The following RORB variants were observed in gnomAD, a reference collection of about 807,000 sequenced individuals.
The protein encoded by RORB is nuclear receptor ROR-beta.
In RORB, 6 loss-of-function variants were observed where a neutral mutation model predicts 59.1. That is an observed-to-expected ratio of 0.10 (90% CI 0.06 to 0.20). The LOEUF is 0.20. Among genes scored for constraint, RORB ranks in the 10% least tolerant of loss-of-function variants. The pLI, the probability that RORB is intolerant of heterozygous loss-of-function variation, is 1.00. For synonymous variants in RORB, 215 were observed against 204.5 expected (o/e 1.05, Z -0.44); for missense variants, 320 against 560.5 (o/e 0.57, Z 4.33).
chr9:74,684,781 C>T (rs767786424), intron 9 of RORB, among the ~76,000 whole-genome samples: 6 of 152,128 alleles, frequency 3.9e-5, no homozygotes, highest in African/African-American at 7.2e-5. Context: ...ACAGTGGAAA[C>T]GGATTAGAGA....
intron 1 of RORB, among the ~76,000 whole-genome samples, chr9:74,627,139 C>T (rs1026137085): frequency 8.1e-6 from 1 of 122,786 alleles, no homozygotes; most frequent in African/African-American, 3.1e-5. Context: ...TCCAGCCTGG[C>T]AACAGAGCAA....
chr9:74,661,802 C>G (rs1382792238), intron 5 of RORB, among the ~76,000 whole-genome samples: 1 of 151,476 alleles, frequency 6.6e-6, no homozygotes, highest in African/African-American at 2.4e-5. Flanking sequence ...CCCCCCACCA[C>G]GCCCAGCTAA....
intron 1 of RORB, among the ~76,000 whole-genome samples, chr9:74,571,808 G>T (rs1476696275): frequency 1.3e-5 from 2 of 152,138 alleles, no homozygotes; most frequent in Non-Finnish European, 2.9e-5. Flanking sequence ...GTAGAGGAAA[G>T]GCAAGGTTGC....
At position 74,691,598 on chromosome 9, in the gene RORB, T is replaced by A. The variant is rs956940655; in HGVS notation, c.*5980T>A. On this transcript the variant is annotated 3_prime_UTR_variant, in exon 10 of 10. Coordinates refer to ENST00000376896, the MANE Select transcript of RORB (RefSeq NM_006914.4). Reference sequence around the variant, plus strand: ...GTGGAAGGTCTAATACAATGTATGCTGTCTCTGTAATTTTTGCTGTAAATA... The same window carrying A: ...GTGGAAGGTCTAATACAATGTATGCAGTCTCTGTAATTTTTGCTGTAAATA... The A allele has an allele frequency of 6.6e-6, 1 of 152,250 alleles. No homozygotes were observed. The highest frequency in any genetic ancestry group is 1.5e-5 in the Non-Finnish European group (1 of 68,040). The allele number at this position is 152,250 out of a possible 1,614,324, so 9.4% of individuals were successfully genotyped here. A position where few individuals can be genotyped will look rare whatever the true frequency, so the allele number is the denominator to read the frequency against.
At chr9:74,646,819 C>T (rs552971984) in intron 4 of RORB, among the ~76,000 whole-genome samples, 6 of 152,190 alleles carry the variant, frequency 3.9e-5, no homozygotes, top group East Asian at 3.9e-4. Context: ...GGAGATACCA[C>T]GAAAATAAAT....
chr9:74,538,638 A>G (rs1826358114), intron 1 of RORB, among the ~76,000 whole-genome samples: 1 of 151,528 alleles, frequency 6.6e-6, no homozygotes, highest in African/African-American at 2.4e-5. Flanking sequence ...TTTGGGAAAC[A>G]TTTATTTATA....
At position 74,685,577 on chromosome 9, in the gene RORB, A is replaced by G; in HGVS notation, c.1339A>G (p.Lys447Glu). The G allele has an allele frequency of 6.2e-7, 1 of 1,610,976 alleles. No homozygotes were observed. The highest frequency in any genetic ancestry group is 8.5e-7 in the Non-Finnish European group (1 of 1,177,574). The part of the protein sequence containing the change: ...IVNTLFPPLY[K>E]ELFNPDCATG... ...GAATACACTGTTTCCTCCGTTATAC[A>G]AGGAGCTCTTTAATCCTGACTGTGC... The change falls in exon 10 of 10, where the codon AAG becomes GAG. Residue 447 changes from lysine (K) to glutamate (E), a missense_variant. Lys to Glu is a moderately conservative substitution (Grantham distance 56, BLOSUM62 1). Transcript: ENST00000376896.
At chr9:74,518,587 A>AT (rs1826043140) in intron 1 of RORB, among the ~76,000 whole-genome samples, 1 of 152,006 alleles carries the variant, frequency 6.6e-6, no homozygotes, top group African/African-American at 2.4e-5. Flanking sequence ...CACGATCCTC[A>AT]TTTCTGAATG....
intron 9 of RORB, among the ~76,000 whole-genome samples, chr9:74,672,263 A>C (rs1239378661): frequency 1.3e-5 from 2 of 152,214 alleles, no homozygotes; most frequent in African/African-American, 4.8e-5. Context: ...GGTCTGGGAC[A>C]AAGTTAAAAG....
chr9:74,526,477 C>T (rs1266765716), intron 1 of RORB, among the ~76,000 whole-genome samples: 1 of 151,848 alleles, frequency 6.6e-6, no homozygotes, highest in Non-Finnish European at 1.5e-5. Context: ...TTTGAAGCTG[C>T]TCTGCCACAA....
rs191981441 is a variant in RORB, at chr9:74,636,276, G to A, written c.235+1504G>A. Among the ~76,000 whole-genome samples, 71 of 152,188 alleles carry A rather than the reference G, an allele frequency of 4.7e-4. 1 individual carries two copies. Among genetic ancestry groups the A allele is most frequent in the African/African-American group, 1.6e-3 (66 of 41,524 alleles). ...GTGGCAGTAGGTAGCACTTTAATTC[G>A]CAGTGTCCGAAAAGCTCCATTAATA... On this transcript the variant is annotated intron_variant, in intron 3 of 9. Coordinates refer to ENST00000376896, the MANE Select transcript of RORB (RefSeq NM_006914.4).
At chr9:74,517,516 A>G (rs142619810) in intron 1 of RORB, among the ~76,000 whole-genome samples, 8 of 152,216 alleles carry the variant, frequency 5.3e-5, no homozygotes, top group Non-Finnish European at 1.0e-4. Context: ...AAAGTTTTAT[A>G]TAGATTAATG....
chr9:74,503,570 A>G (rs898522351), intron 1 of RORB, among the ~76,000 whole-genome samples: 2 of 152,118 alleles, frequency 1.3e-5, no homozygotes, highest in East Asian at 3.9e-4. Context: ...AATAACATCT[A>G]TTTATAAATA....
chr9:74,620,045 T>C (rs973260686), intron 1 of RORB, among the ~76,000 whole-genome samples: 1 of 152,234 alleles, frequency 6.6e-6, no homozygotes, highest in African/African-American at 2.4e-5. Flanking sequence ...ATCAGGATGA[T>C]GCTGGCCTCA....
Position 74,691,756 on chromosome 9 carries a change from C to T in RORB, c.*6138C>T, listed in dbSNP as rs1824744041. ...CTTCCTTTCTGCGTGTTATGTACTT[C>T]TCAGTTTTTTAATGGAAACTGGTTG... On this transcript the variant is annotated 3_prime_UTR_variant, in exon 10 of 10. Coordinates refer to ENST00000376896, the MANE Select transcript of RORB (RefSeq NM_006914.4). 6.6e-6 allele frequency: 1 copy of T among 152,066 alleles called. No homozygotes were observed. The highest frequency in any genetic ancestry group is 1.5e-5 in the Non-Finnish European group (1 of 68,012). The allele number at this position is 152,066 out of a possible 1,614,324, so 9.4% of individuals were successfully genotyped here. A position where few individuals can be genotyped will look rare whatever the true frequency, so the allele number is the denominator to read the frequency against.
chr9:74,662,459 T>A lies in RORB; in HGVS notation c.760-15T>A. ...TCGTTTGCCCTATTTACATTCTGTG[T>A]CTTCTCTCCTCAAGTCCAGGGAAGC... On this transcript the variant is annotated splice_polypyrimidine_tract_variant and intron_variant, in intron 5 of 9. Transcript: ENST00000376896. 6.2e-7 allele frequency: 1 copy of A among 1,613,698 alleles called. No individual in the cohort carries two copies. The highest frequency in any genetic ancestry group is 8.5e-7 in the Non-Finnish European group (1 of 1,179,678).
At chr9:74,528,131 T>G (rs1249104818) in intron 1 of RORB, among the ~76,000 whole-genome samples, 1 of 151,986 alleles carries the variant, frequency 6.6e-6, no homozygotes. Flanking sequence ...CCAGAGATCA[T>G]TTTTTCACTA....
intron 1 of RORB, among the ~76,000 whole-genome samples, chr9:74,610,459 A>T (rs1323219457): frequency 6.6e-6 from 1 of 152,210 alleles, no homozygotes; most frequent in African/African-American, 2.4e-5. Flanking sequence ...TTGAATGTTT[A>T]TTATGTGCCC....
intron 1 of RORB, among the ~76,000 whole-genome samples, chr9:74,531,782 T>A (rs1451364491): frequency 6.6e-6 from 1 of 151,996 alleles, no homozygotes; most frequent in African/African-American, 2.4e-5. Context: ...ACTCCCCTAG[T>A]AAATTTTGAG....
Sources: gnomAD v4.1 joint callset for allele counts (sites outside exome capture counted in the v4.1 genomes callset) on GRCh38, gnomAD v4.1.1 for gene constraint, MANE v1.5 for transcripts, NCBI Gene and HGNC (gene_info 2026-07-23, HGNC 2026-07-21) for gene names.